CELF1: variants seen among roughly 807,000 people sequenced by gnomAD.
The protein encoded by CELF1 is CUGBP Elav-like family member 1, also known as 50 kDa nuclear polyadenylated RNA-binding protein.
CELF1 carries 10 observed loss-of-function variants against 61.8 expected under a neutral mutation model. That is an observed-to-expected ratio of 0.16 (90% confidence interval 0.10 to 0.27). CELF1 has a LOEUF of 0.27. CELF1 is among the 10% of genes least tolerant of loss of function. CELF1 has a pLI of 1.00. For missense variants in CELF1, 380 were observed against 639.1 expected (o/e 0.59, Z 4.37); for synonymous variants, 236 against 225.1 (o/e 1.05, Z -0.43).
intron 1 of CELF1, among the ~76,000 whole-genome samples, chr11:47,504,902 C>CAAAAAA (rs374401044): frequency 1.0e-4 from 11 of 107,904 alleles, no homozygotes; most frequent in African/African-American, 3.9e-4. Context: ...ACTCTGTCAC[C>CAAAAAA]AAAAAAAAAA....
At chr11:47,555,999 CAA>C (rs34873224), upstream of CELF1, among the ~76,000 whole-genome samples, 16 of 53,426 alleles carry the variant, frequency 3.0e-4, no homozygotes, top group South Asian at 7.0e-4. Context: ...GACTCTGTCT[CAA>C]AAAAAAAAAA....
chr11:47,502,525 T>C (rs541440526), intron 1 of CELF1, among the ~76,000 whole-genome samples: 9 of 152,116 alleles, frequency 5.9e-5, no homozygotes, highest in Non-Finnish European at 1.3e-4. Context: ...TGTGTATGTG[T>C]GTGTGTGTGT....
chr11:47,524,948 A>G (rs1056968800), intron 1 of CELF1, among the ~76,000 whole-genome samples: 1 of 152,226 alleles, frequency 6.6e-6, no homozygotes, highest in African/African-American at 2.4e-5. Flanking sequence ...GAACTTCCAA[A>G]TAATTTCAGT....
intron 3 of CELF1, 76 bp downstream of exon 3, chr11:47,499,377 G>C (rs1422192302): frequency 2.4e-5 from 28 of 1,188,604 alleles, no homozygotes; most frequent in Non-Finnish European, 3.2e-5. Context: ...TTAAAAAAAG[G>C]AACCAATTTC....
Position 47,476,964 on chromosome 11 carries a change from T to C in CELF1, c.974-5A>G, listed in dbSNP as rs756489208. On this transcript the variant is annotated splice_polypyrimidine_tract_variant and splice_region_variant and intron_variant, in intron 11 of 14. Coordinates refer to ENST00000687097, the MANE Select transcript of CELF1 (RefSeq NM_001376376.1). Reference sequence around the variant, plus strand: ...TAGAGCTAGGTGAGGACCCTGCTATTAGAAAGCAAGGAGTTAAAATTCAAC... The same window carrying C: ...TAGAGCTAGGTGAGGACCCTGCTATCAGAAAGCAAGGAGTTAAAATTCAAC... 1 of 1,609,920 alleles carries C rather than the reference T, an allele frequency of 6.2e-7. No homozygotes were observed. The highest frequency in any genetic ancestry group is 1.7e-5 in the Admixed American group (1 of 60,012).
Position 47,468,529 on chromosome 11 carries a change from A to G in CELF1, c.*3701T>C, listed in dbSNP as rs1412311100. 1 of 152,670 alleles carries G rather than the reference A, an allele frequency of 6.6e-6. No individual in the cohort carries two copies. The highest frequency in any genetic ancestry group is 2.4e-5 in the African/African-American group (1 of 41,458). The allele number at this position is 152,670 out of a possible 1,614,324, so 9.5% of individuals were successfully genotyped here. On this transcript the variant is annotated 3_prime_UTR_variant, in exon 15 of 15. Transcript: ENST00000687097. ...ATACAAACACCACGCGGTATGTGCT[A>G]GTAGGGCTGCTCTGAAGACAATTAC...
intron 1 of CELF1, among the ~76,000 whole-genome samples, chr11:47,526,861 G>A (rs1597993499): frequency 6.6e-6 from 1 of 152,100 alleles, no homozygotes; most frequent in East Asian, 1.9e-4. Flanking sequence ...GACCAGCCTG[G>A]CCAACAAGGT....
intron 9 of CELF1, among the ~76,000 whole-genome samples, chr11:47,480,620 G>C (rs559390946): frequency 5.6e-4 from 86 of 152,296 alleles, no homozygotes; most frequent in Admixed American, 2.2e-3. Context: ...AAGTCTCTAA[G>C]AAAAGCAAAT....
chr11:47,552,935 G>A (rs779288646), intron 1 of CELF1, 57 bp downstream of exon 1: 9 of 397,448 alleles, frequency 2.3e-5, no homozygotes, highest in Non-Finnish European at 3.1e-5. Context: ...CCTCCCTCTT[G>A]CCTTTTTTCC....
intron 1 of CELF1, among the ~76,000 whole-genome samples, chr11:47,508,042 G>A (rs1435258191): frequency 6.6e-6 from 1 of 152,074 alleles, no homozygotes; most frequent in Middle Eastern, 3.2e-3. Context: ...ACCATTTAAG[G>A]TGAGGACTAC....
At chr11:47,500,574 A>G (rs1454769618) in intron 2 of CELF1, among the ~76,000 whole-genome samples, 3 of 152,230 alleles carry the variant, frequency 2.0e-5, no homozygotes, top group African/African-American at 7.2e-5. Context: ...TGTAAGGGAA[A>G]AACCAAGAAA....
intron 9 of CELF1, among the ~76,000 whole-genome samples, chr11:47,480,597 A>AG (rs1176800417): frequency 2.0e-5 from 3 of 152,200 alleles, no homozygotes; most frequent in African/African-American, 4.8e-5. Flanking sequence ...CCTTCCCTAA[A>AG]GGGGGGCTCC....
At chr11:47,487,823 C>T (rs1213770437) in intron 4 of CELF1, among the ~76,000 whole-genome samples, 1 of 152,158 alleles carries the variant, frequency 6.6e-6, no homozygotes, top group Non-Finnish European at 1.5e-5. Context: ...ATGGTGCTGC[C>T]TCAGATCTGT....
chr11:47,533,141 A>G (rs1279940190), intron 1 of CELF1, among the ~76,000 whole-genome samples: 7 of 149,386 alleles, frequency 4.7e-5, no homozygotes, highest in Admixed American at 6.7e-5. Flanking sequence ...AGCTGATCTT[A>G]TTATTTCAGC....
chr11:47,528,731 G>C (rs2096353820), intron 1 of CELF1, among the ~76,000 whole-genome samples: 1 of 151,966 alleles, frequency 6.6e-6, no homozygotes, highest in Non-Finnish European at 1.5e-5. Flanking sequence ...AAAAACAAAA[G>C]CCACAAAAAT....
intron 1 of CELF1, among the ~76,000 whole-genome samples, chr11:47,512,295 G>A (rs996859668): frequency 1.3e-5 from 2 of 152,106 alleles, no homozygotes; most frequent in Admixed American, 6.6e-5. Flanking sequence ...TGGGACTACA[G>A]GCACTGGCCA....
intron 3 of CELF1, among the ~76,000 whole-genome samples, chr11:47,497,381 A>G (rs2093315911): frequency 6.6e-6 from 1 of 152,260 alleles, no homozygotes; most frequent in Non-Finnish European, 1.5e-5. Context: ...TGATCAATGA[A>G]GAATCAAGAA....
intron 1 of CELF1, among the ~76,000 whole-genome samples, chr11:47,546,208 T>C (rs919953647): frequency 1.3e-5 from 2 of 149,058 alleles, no homozygotes; most frequent in Non-Finnish European, 3.0e-5. Flanking sequence ...GAAAGGCCTT[T>C]CATGCAATTG....
At chr11:47,540,691 C>G (rs567894716) in intron 1 of CELF1, among the ~76,000 whole-genome samples, 4 of 152,122 alleles carry the variant, frequency 2.6e-5, no homozygotes, top group South Asian at 4.1e-4. Flanking sequence ...CAAGACCACC[C>G]TGGCCAAGAT....
Sources: gnomAD v4.1 joint callset for allele counts (sites outside exome capture counted in the v4.1 genomes callset) on GRCh38, gnomAD v4.1.1 for gene constraint, MANE v1.5 for transcripts, NCBI Gene and HGNC (gene_info 2026-07-23, HGNC 2026-07-21) for gene names.